TGFBRAP1: variants seen among roughly 807,000 people sequenced by gnomAD.
TGFBRAP1 encodes transforming growth factor beta receptor associated protein 1.
Under a neutral mutation model 83.2 loss-of-function variants are expected in TGFBRAP1, and 20 were observed. The observed-to-expected ratio is 0.24, with a 90% CI of 0.17 to 0.35. TGFBRAP1 has a LOEUF of 0.35. TGFBRAP1 is among the 10% of genes least tolerant of loss of function. The pLI, the probability that TGFBRAP1 is intolerant of heterozygous loss-of-function variation, is 1.00. For synonymous variants in TGFBRAP1, 415 were observed against 459.8 expected (o/e 0.90, Z 1.25); for missense variants, 950 against 1,099.4 (o/e 0.86, Z 1.92).
intron 4 of TGFBRAP1, among the ~76,000 whole-genome samples, chr2:105,286,606 G>A (rs886938420): frequency 2.6e-5 from 4 of 152,190 alleles, no homozygotes; most frequent in Non-Finnish European, 5.9e-5. Context: ...AGGCAGTGGT[G>A]CAAATTGCCA....
At position 105,269,362 on chromosome 2, in the gene TGFBRAP1, C is replaced by A; in HGVS notation, c.2316G>T (p.Gly772=). 1.9e-6 allele frequency: 3 copies of A among 1,613,988 alleles called. No individual in the cohort carries two copies. Among genetic ancestry groups the A allele is most frequent in the Non-Finnish European group, 2.5e-6 (3 of 1,179,998 alleles). Residue 772 remains glycine (G), a synonymous_variant, in exon 11 of 12, where the codon GGG becomes GGT. Coordinates refer to ENST00000393359, the MANE Select transcript of TGFBRAP1 (RefSeq NM_004257.6). The surrounding 1 kb of genome is among the most constrained non-coding windows in gnomAD (Gnocchi z 4.1). ...SVQLLCPFLM[G]AMRDSIHARR... ...TGGCATGGATGCTGTCCCTCATGGC[C>A]CCCATCAGGAATGGGCAGAGGAGCT...
chr2:105,320,879 T>C (rs938729348), intron 1 of TGFBRAP1, among the ~76,000 whole-genome samples: 1 of 152,196 alleles, frequency 6.6e-6, no homozygotes, highest in African/African-American at 2.4e-5. Context: ...AGAAAATAGT[T>C]ACCATTAACT....
chr2:105,287,491 G>A (rs1042331981), intron 4 of TGFBRAP1, among the ~76,000 whole-genome samples: 9 of 152,174 alleles, frequency 5.9e-5, no homozygotes, highest in African/African-American at 1.9e-4. Context: ...GAGGTGAAAC[G>A]CTCTAAAATC....
downstream of TGFBRAP1, among the ~76,000 whole-genome samples, chr2:105,260,808 A>G (rs954075816): frequency 6.6e-6 from 1 of 152,218 alleles, no homozygotes; most frequent in African/African-American, 2.4e-5. Flanking sequence ...GAATATTAAC[A>G]TACATGCAAA....
the TGFBRAP1 span, among the ~76,000 whole-genome samples, chr2:105,250,931 C>T: frequency 6.6e-6 from 1 of 152,244 alleles, no homozygotes; most frequent in Non-Finnish European, 1.5e-5. Context: ...GCCGGGATGG[C>T]AGACGGAGTC....
chr2:105,303,992 T>A (rs1678398724), intron 2 of TGFBRAP1, among the ~76,000 whole-genome samples: 1 of 152,146 alleles, frequency 6.6e-6, no homozygotes, highest in Non-Finnish European at 1.5e-5. Context: ...TCAATTGCAA[T>A]GTATGGGCCT....
chr2:105,256,595 A>G, the TGFBRAP1 span, among the ~76,000 whole-genome samples: 1 of 152,216 alleles, frequency 6.6e-6, no homozygotes, highest in Non-Finnish European at 1.5e-5. Context: ...ATGAGTACAC[A>G]GTCAAAAACT....
intron 4 of TGFBRAP1, 128 bp from the exon 5 acceptor site, chr2:105,284,526 C>A (rs1436127760): frequency 1.3e-6 from 1 of 786,490 alleles, no homozygotes; most frequent in Non-Finnish European, 2.1e-6. Context: ...GAGGAAAAAA[C>A]AAGGTGCATA....
chr2:105,264,407 C>T (rs570445953), downstream of TGFBRAP1: 6 of 152,270 alleles, frequency 3.9e-5, no homozygotes, highest in Admixed American at 1.3e-4. Flanking sequence ...CGAGTGAAAA[C>T]CATCACTCCA....
rs755877864 is a variant in TGFBRAP1, at chr2:105,267,448, G to T, written c.2518C>A (p.His840Asn). 1.2e-6 allele frequency: 2 copies of T among 1,614,210 alleles called. No homozygotes were observed. The highest frequency in any genetic ancestry group is 2.7e-5 in the African/African-American group (2 of 75,040). The change falls in exon 12 of 12, where the codon CAC becomes AAC. Residue 840 changes from histidine (H) to asparagine (N), a missense_variant. Coordinates refer to ENST00000393359, the MANE Select transcript of TGFBRAP1 (RefSeq NM_004257.6). ...FVRYPNGGLV[H>N]THCAASRHTN... ...TGTCTGCTGGCGGCACAGTGGGTGT[G>T]CACAAGACCACCATTTGGGTATCTA...
At chr2:105,284,179 G>T in intron 5 of TGFBRAP1, 137 bp downstream of exon 5, 2 of 755,630 alleles carry the variant, frequency 2.6e-6, no homozygotes, top group Non-Finnish European at 4.5e-6. Context: ...CTGCTGTCAC[G>T]AGCTACCCCC....
rs1677506034 is a variant in TGFBRAP1 at position 105,280,687 on chromosome 2, G to C, written c.1158C>G (p.Leu386=). The part of the protein sequence containing the change: ...GQLDVRELIS[L]YPFLLPTSSS... ...AGGAGGTGGGCAACAGGAAGGGGTAGAGAGAGATCAGCTCCCGGACATCAA... is the reference window on the plus strand; with the variant it reads ...AGGAGGTGGGCAACAGGAAGGGGTACAGAGAGATCAGCTCCCGGACATCAA... The change falls in exon 6 of 12, where the codon CTC becomes CTG. Residue 386 remains leucine (L), a synonymous_variant. Coordinates refer to ENST00000393359, the MANE Select transcript of TGFBRAP1 (RefSeq NM_004257.6). 6.2e-7 allele frequency: 1 copy of C among 1,614,056 alleles called. No individual in the cohort carries two copies. The highest frequency in any genetic ancestry group is 8.5e-7 in the Non-Finnish European group (1 of 1,179,958).
At chr2:105,278,658 C>T (rs765194061) in intron 6 of TGFBRAP1, among the ~76,000 whole-genome samples, 19 of 152,200 alleles carry the variant, frequency 1.2e-4, no homozygotes, top group Non-Finnish European at 2.2e-4. Flanking sequence ...CCAAAGTCTG[C>T]AAGGGTGCCA....
intron 1 of TGFBRAP1, among the ~76,000 whole-genome samples, chr2:105,320,349 C>A (rs1401893763): frequency 1.3e-5 from 2 of 152,092 alleles, no homozygotes; most frequent in Non-Finnish European, 2.9e-5. Context: ...TTAAAAAGGA[C>A]ACACTACCTC....
In TGFBRAP1 at chr2:105,269,650, C is replaced by T. The variant is rs754903144; in HGVS notation, c.2028G>A (p.Leu676=). 37 of 1,589,702 alleles carry T rather than the reference C, an allele frequency of 2.3e-5. No homozygotes were observed. The highest frequency in any genetic ancestry group is 3.4e-5 in the Admixed American group (2 of 59,214). ...PMESAILHGK[L]GEHEKALHIL... is the part of the protein sequence containing the mutation. ...TATGCAGCGCCTTCTCATGCTCGCCCAGCTTCCCGTGCAGGATGGCGCTCT... is the reference window on the plus strand; with the variant it reads ...TATGCAGCGCCTTCTCATGCTCGCCTAGCTTCCCGTGCAGGATGGCGCTCT... Residue 676 remains leucine (L), a synonymous_variant, in exon 11 of 12, where the codon CTG becomes CTA. Coordinates refer to ENST00000393359, the MANE Select transcript of TGFBRAP1 (RefSeq NM_004257.6). The surrounding 1 kb of genome is among the most constrained non-coding windows in gnomAD (Gnocchi z 4.1).
At chr2:105,283,300 T>C (rs1193938825) in intron 5 of TGFBRAP1, among the ~76,000 whole-genome samples, 1 of 152,220 alleles carries the variant, frequency 6.6e-6, no homozygotes, top group Non-Finnish European at 1.5e-5. Flanking sequence ...ATTGTGTAAC[T>C]GTAATCATTT....
chr2:105,298,636 G>A lies in TGFBRAP1; in HGVS notation c.758C>T (p.Ala253Val), dbSNP rs756026751. 1.8e-5 allele frequency: 29 copies of A among 1,613,802 alleles called. No homozygotes were observed. Among genetic ancestry groups the A allele is most frequent in the South Asian group, 3.3e-5 (3 of 91,036 alleles). Residue 253 changes from alanine to valine, a missense_variant, in exon 3 of 12, where the codon GCG (alanine) becomes GTG (valine). Ala to Val is a moderately conservative substitution (Grantham distance 64). Transcript: ENST00000393359. ...PVHWSENVIG[A>V]AVSFPYVIAL... ...TATGACGTATGGAAAGGACACAGCC[G>A]CCCCAATCACATTCTCCGACCAGTG...
At chr2:105,304,891 C>A (rs774950187) in intron 2 of TGFBRAP1, among the ~76,000 whole-genome samples, 2 of 152,064 alleles carry the variant, frequency 1.3e-5, no homozygotes, top group Admixed American at 6.5e-5. Flanking sequence ...AAAGAAAAAA[C>A]CCCATGGAAA....
chr2:105,251,766 G>A, the TGFBRAP1 span, among the ~76,000 whole-genome samples: 1 of 151,526 alleles, frequency 6.6e-6, no homozygotes, highest in African/African-American at 2.4e-5. Flanking sequence ...GAAAGAGGTA[G>A]ACATGGGAGA....
Sources: gnomAD v4.1 joint callset for allele counts (sites outside exome capture counted in the v4.1 genomes callset) on GRCh38, gnomAD v4.1.1 for gene constraint, Gnocchi (gnomAD v3.1) non-coding constraint, MANE v1.5 for transcripts, NCBI Gene and HGNC (gene_info 2026-07-23, HGNC 2026-07-21) for gene names.